MTHFD1L: variants seen among roughly 807,000 people sequenced by gnomAD.
MTHFD1L encodes the protein methylenetetrahydrofolate dehydrogenase (NADP+ dependent) 1 like.
Under a neutral mutation model 119.5 loss-of-function variants are expected in MTHFD1L, and 81 were observed. That is an observed-to-expected ratio of 0.68 (90% CI 0.57 to 0.82). The LOEUF (loss-of-function observed/expected upper bound fraction) is 0.82, where lower values mean the gene tolerates loss of function less well. MTHFD1L is among the 40% of genes least tolerant of loss of function. The probability of loss-of-function intolerance (pLI) is 0.00; values close to 1 mark genes in which losing one functional copy is unlikely to be tolerated. For missense variants in MTHFD1L, 1,125 were observed against 1,253.4 expected (o/e 0.90, Z 1.55); for synonymous variants, 430 against 475.2 (o/e 0.90, Z 1.24).
chr6:150,923,020 G>C (rs1259653017), intron 10 of MTHFD1L, among the ~76,000 whole-genome samples: 1 of 152,102 alleles, frequency 6.6e-6, no homozygotes, highest in Non-Finnish European at 1.5e-5. Context: ...GTAATATTTG[G>C]AATATGCTTT....
intron 20 of MTHFD1L, among the ~76,000 whole-genome samples, chr6:150,976,243 C>T (rs1284073582): frequency 6.6e-6 from 1 of 152,162 alleles, no homozygotes; most frequent in African/African-American, 2.4e-5. Flanking sequence ...ATGCTCTTCA[C>T]TGGGAGCTGG....
At chr6:151,090,058 G>A (rs567158062) in intron 26 of MTHFD1L, among the ~76,000 whole-genome samples, 1 of 152,304 alleles carries the variant, frequency 6.6e-6, no homozygotes, top group African/African-American at 2.4e-5. Flanking sequence ...TATACCTGAA[G>A]TGCAGTCATG....
chr6:150,906,497 G>T (rs1005631081), intron 8 of MTHFD1L, among the ~76,000 whole-genome samples: 2 of 152,204 alleles, frequency 1.3e-5, no homozygotes, highest in Non-Finnish European at 2.9e-5. Context: ...GCACACCCAG[G>T]CCCTCAGCAA....
At chr6:150,876,326 C>A in intron 2 of MTHFD1L, 152 bp downstream of exon 2, 1 of 652,762 alleles carries the variant, frequency 1.5e-6, no homozygotes, top group South Asian at 2.2e-5. Context: ...TCTTTGGGGT[C>A]ACGGGTGAAG....
At chr6:150,880,268 C>T (rs1562304792) in intron 4 of MTHFD1L, among the ~76,000 whole-genome samples, 1 of 152,142 alleles carries the variant, frequency 6.6e-6, no homozygotes, top group African/African-American at 2.4e-5. Context: ...CTCCCCCATC[C>T]CTCTCCAGCC....
rs144147764 is a variant in MTHFD1L, at chr6:151,081,770, G to A, written c.2848-10697G>A. On this transcript the variant is annotated intron_variant, in intron 26 of 27. Transcript: ENST00000367321. ...GGAGGGGCAAGGGTCTAGTTGTGAG[G>A]GAGAGAGGTGAAAGCAAAAGGGAAA... Among the ~76,000 whole-genome samples the A allele has an allele frequency of 1.9e-3, 286 of 152,302 alleles. 1 individual carries two copies. Among genetic ancestry groups the A allele is most frequent in the African/African-American group, 6.6e-3 (273 of 41,562 alleles).
chr6:150,939,497 C>T (rs1327662745), intron 13 of MTHFD1L, among the ~76,000 whole-genome samples: 1 of 152,070 alleles, frequency 6.6e-6, no homozygotes, highest in African/African-American at 2.4e-5. Flanking sequence ...TCAGCCTTAT[C>T]ATTCAGGGCC....
At chr6:151,057,982 G>A (rs1790189014) in intron 26 of MTHFD1L, among the ~76,000 whole-genome samples, 3 of 152,050 alleles carry the variant, frequency 2.0e-5, no homozygotes, top group Admixed American at 2.0e-4. Context: ...TCACCATATT[G>A]GCCAGACTGG....
intron 16 of MTHFD1L, among the ~76,000 whole-genome samples, chr6:150,955,493 G>A (rs1217488189): frequency 8.8e-6 from 1 of 114,060 alleles, no homozygotes; most frequent in African/African-American, 3.1e-5. Flanking sequence ...GTTGCTGGTT[G>A]GGTTTTTTTT....
intron 25 of MTHFD1L, among the ~76,000 whole-genome samples, chr6:151,035,964 G>T (rs911535388): frequency 3.9e-5 from 6 of 152,088 alleles, no homozygotes; most frequent in Non-Finnish European, 7.4e-5. Context: ...AATTCTTATC[G>T]GTATAGAAGA....
chr6:151,088,623 A>ATTTTTTTTTTTTTTTTTTTTTTT (rs71014539), intron 26 of MTHFD1L, among the ~76,000 whole-genome samples: 1 of 128,640 alleles, frequency 7.8e-6, no homozygotes, highest in Non-Finnish European at 1.6e-5. Flanking sequence ...CACCCAGCTA[A>ATTTTTTTTTTTTTTTTTTTTTTT]TTTTTTTTTT....
intron 11 of MTHFD1L, chr6:150,934,849 C>G (rs1405650485): frequency 7.8e-7 from 1 of 1,289,216 alleles, no homozygotes; most frequent in Non-Finnish European, 1.1e-6. Flanking sequence ...CCAATGCTTT[C>G]TCATTTGGAC....
intron 7 of MTHFD1L, among the ~76,000 whole-genome samples, chr6:150,899,457 T>C (rs1207378115): frequency 6.6e-6 from 1 of 152,214 alleles, no homozygotes; most frequent in Admixed American, 6.5e-5. Flanking sequence ...TTTGCTGCAA[T>C]TGTCATCCCC....
chr6:150,956,196 T>C, intron 17 of MTHFD1L, 125 bp downstream of exon 17: 1 of 910,268 alleles, frequency 1.1e-6, no homozygotes, highest in African/African-American at 1.6e-5. Flanking sequence ...CTCTCACTGT[T>C]TTGGGTGCTC....
intron 7 of MTHFD1L, among the ~76,000 whole-genome samples, chr6:150,905,070 C>T (rs1415334387): frequency 3.9e-5 from 5 of 129,420 alleles, no homozygotes; most frequent in African/African-American, 1.5e-4. Context: ...GACAGGGTCT[C>T]GCTCTGTTGT....
At chr6:150,935,498 G>A in intron 11 of MTHFD1L, 1 of 1,583,632 alleles carries the variant, frequency 6.3e-7, no homozygotes, top group Non-Finnish European at 8.6e-7. Flanking sequence ...CCTAAAGGAA[G>A]GACTTGAGAA....
chr6:151,091,362 G>C (rs1055173756), intron 26 of MTHFD1L, among the ~76,000 whole-genome samples: 11 of 152,182 alleles, frequency 7.2e-5, no homozygotes, highest in African/African-American at 2.7e-4. Flanking sequence ...AATGGAAAAG[G>C]AATGGGTCAT....
chr6:151,073,955 T>C (rs1792232250), intron 26 of MTHFD1L, among the ~76,000 whole-genome samples: 1 of 152,102 alleles, frequency 6.6e-6, no homozygotes, highest in Non-Finnish European at 1.5e-5. Flanking sequence ...TATAAACTCA[T>C]ACATTCAAAA....
At chr6:151,079,623 A>G (rs571917057) in intron 26 of MTHFD1L, among the ~76,000 whole-genome samples, 14 of 151,888 alleles carry the variant, frequency 9.2e-5, no homozygotes, top group African/African-American at 2.9e-4. Context: ...TCAAGTAGCT[A>G]GGATTACAGG....
Sources: gnomAD v4.1 joint callset for allele counts (sites outside exome capture counted in the v4.1 genomes callset) on GRCh38, gnomAD v4.1.1 for gene constraint, MANE v1.5 for transcripts, NCBI Gene and HGNC (gene_info 2026-07-23, HGNC 2026-07-21) for gene names.